Variants in COL4A6 observed in about 807,000 individuals in gnomAD.
COL4A6 encodes the protein collagen type IV alpha 6 chain, also known as collagen alpha-6(IV) chain.
COL4A6 carries 59 observed loss-of-function variants against 126.7 expected under a neutral mutation model. The observed-to-expected ratio is 0.47, with a 90% CI of 0.38 to 0.58. The LOEUF (loss-of-function observed/expected upper bound fraction) is 0.58, where lower values mean the gene tolerates loss of function less well. COL4A6 is among the 20% of genes least tolerant of loss of function. The pLI is 0.00. For missense variants in COL4A6, 1,285 were observed against 1,337.3 expected, an observed-to-expected ratio of 0.96 and a Z score of 0.61; for synonymous variants, 547 against 496.6, an observed-to-expected ratio of 1.10 and a Z score of -1.35.
intron 2 of COL4A6, among the ~76,000 whole-genome samples, chrX:108,421,497 G>C (rs946027329): frequency 2.7e-5 from 3 of 111,824 alleles, no homozygotes; most frequent in Non-Finnish European, 5.6e-5. Flanking sequence ...TTAGTGATGA[G>C]GAAGTGAACT....
At chrX:108,391,538 A>G (rs2040839224) in intron 2 of COL4A6, among the ~76,000 whole-genome samples, 1 of 111,212 alleles carries the variant, frequency 9.0e-6, no homozygotes, top group African/African-American at 3.3e-5. Flanking sequence ...CCCTCCCCCC[A>G]CCAAGCTCCC....
At chrX:108,325,684 C>T (rs2039138982) in intron 2 of COL4A6, among the ~76,000 whole-genome samples, 1 of 110,779 alleles carries the variant, frequency 9.0e-6, no homozygotes, top group Admixed American at 9.6e-5. Flanking sequence ...TTCACAAAAT[C>T]GAACCTAACA....
At chrX:108,286,393 A>T (rs1368980223) in intron 3 of COL4A6, among the ~76,000 whole-genome samples, 1 of 112,015 alleles carries the variant, frequency 8.9e-6, no homozygotes, top group Non-Finnish European at 1.9e-5. Flanking sequence ...TTGAGATGTG[A>T]TGGCTAGCTG....
At chrX:108,426,066 T>C (rs752212257) in intron 2 of COL4A6, among the ~76,000 whole-genome samples, 1 of 111,603 alleles carries the variant, frequency 9.0e-6, no homozygotes, top group East Asian at 2.8e-4. Context: ...CTTAATCATA[T>C]CTAAAAGACA....
At chrX:108,210,114 C>T in intron 7 of COL4A6, 110 bp from the exon 8 acceptor site, 1 of 723,931 alleles carries the variant, frequency 1.4e-6, no homozygotes. Context: ...AACCTTGGGC[C>T]TCCTCTGTCA....
chrX:108,212,198 C>CTCT (rs1439027574), intron 6 of COL4A6, among the ~76,000 whole-genome samples: 1 of 102,317 alleles, frequency 9.8e-6, no homozygotes, highest in Non-Finnish European at 2.0e-5. Flanking sequence ...CTGTTTTATA[C>CTCT]TCTTCTTCTT....
chrX:108,378,554 G>C, intron 2 of COL4A6, among the ~76,000 whole-genome samples: 1 of 112,387 alleles, frequency 8.9e-6, no homozygotes, highest in Non-Finnish European at 1.9e-5. Context: ...TGGGCACATA[G>C]ATTATATTCG....
At chrX:108,400,800 G>T (rs796594073) in intron 2 of COL4A6, among the ~76,000 whole-genome samples, 17 of 111,405 alleles carry the variant, frequency 1.5e-4, no homozygotes, top group African/African-American at 4.9e-4. Flanking sequence ...TTTTACTCAC[G>T]TTGTAAATAT....
intron 2 of COL4A6, among the ~76,000 whole-genome samples, chrX:108,412,214 CT>C (rs1158079929): frequency 2.7e-5 from 3 of 112,033 alleles, no homozygotes; most frequent in Admixed American, 9.5e-5. Flanking sequence ...GCTTATCTAG[CT>C]TTCCAAAAAC....
At chrX:108,203,386 C>T (rs2035445677) in intron 12 of COL4A6, among the ~76,000 whole-genome samples, 1 of 111,973 alleles carries the variant, frequency 8.9e-6, no homozygotes, top group Admixed American at 9.4e-5. Context: ...GACACATAAC[C>T]ATCTGATCTG....
rs201862310 is a variant in COL4A6 at position 108,185,391 on chromosome X, G to GAAA, written c.1951+1702_1951+1704dup. Among the ~76,000 whole-genome samples the GAAA allele has an allele frequency of 7.9e-3, 660 of 83,332 alleles. 13 individuals carry two copies. The highest frequency in any genetic ancestry group is 0.023 in the African/African-American group (517 of 22,164). The allele number at this position is 83,332 out of a possible 115,157, so 72.4% of individuals were successfully genotyped here. ...TGGGTGAGAGTAAGACTTCATTTCA[G>GAAA]AAAAAAAAAAAAAAGGAAAATGTCC... is the stretch of plus-strand genomic sequence containing the variant. On this transcript the variant is annotated intron_variant, in intron 23 of 44. Coordinates refer to ENST00000334504, the MANE Select transcript of COL4A6 (RefSeq NM_033641.4).
intron 2 of COL4A6, among the ~76,000 whole-genome samples, chrX:108,403,200 A>AAGTT (rs756122991): frequency 2.0e-5 from 2 of 100,098 alleles, no homozygotes; most frequent in East Asian, 7.0e-4. Flanking sequence ...TGGTGTCCTA[A>AAGTT]AGTTTCACCA....
intron 2 of COL4A6, among the ~76,000 whole-genome samples, chrX:108,368,347 T>G (rs1220915946): frequency 9.0e-6 from 1 of 111,375 alleles, no homozygotes; most frequent in Non-Finnish European, 1.9e-5. Flanking sequence ...GTATAAAAGA[T>G]TTAAAAAATT....
chrX:108,187,744 A>T, intron 22 of COL4A6, 104 bp downstream of exon 22: 1 of 841,901 alleles, frequency 1.2e-6, no homozygotes, highest in Non-Finnish European at 1.6e-6. Flanking sequence ...AAGGTCCTCT[A>T]GACTCTGTTC....
chrX:108,350,511 T>C (rs932719885), intron 2 of COL4A6, among the ~76,000 whole-genome samples: 6 of 111,336 alleles, frequency 5.4e-5, no homozygotes, highest in Non-Finnish European at 1.1e-4. Context: ...CTTCTAAGGC[T>C]ACAGTTTGAG....
At position 108,187,136 on chromosome X, in the gene COL4A6, C is replaced by T. The variant is rs1488341529; in HGVS notation, c.1911G>A (p.Lys637=). The change falls in exon 23 of 45, where the codon AAG becomes AAA. Residue 637 remains lysine, a synonymous_variant. Transcript: ENST00000334504. Reference sequence around the variant, plus strand: ...GGCCTTGTTGTCCCGGTAATCCATCCTTGCCTTTATCTCCAGGAAGCCCAC... The same window carrying T: ...GGCCTTGTTGTCCCGGTAATCCATCTTTGCCTTTATCTCCAGGAAGCCCAC... ...GPRGLPGDKG[K]DGLPGQQGLP... 8.4e-7 allele frequency: 1 copy of T among 1,188,479 alleles called. No individual in the cohort carries two copies. Among genetic ancestry groups the T allele is most frequent in the Non-Finnish European group, 1.1e-6 (1 of 882,072 alleles).
At chrX:108,318,842 C>T (rs749316777) in intron 2 of COL4A6, among the ~76,000 whole-genome samples, 1 of 112,677 alleles carries the variant, frequency 8.9e-6, no homozygotes, top group South Asian at 3.7e-4. Context: ...ACACAAGCAG[C>T]TCCTCTTAGT....
At chrX:108,399,603 G>A (rs2041041977) in intron 2 of COL4A6, among the ~76,000 whole-genome samples, 1 of 111,196 alleles carries the variant, frequency 9.0e-6, no homozygotes, top group African/African-American at 3.3e-5. Context: ...TTCAGGCAAT[G>A]TTCTTTTCAA....
chrX:108,274,408 T>C (rs1332466521), intron 3 of COL4A6, among the ~76,000 whole-genome samples: 1 of 111,406 alleles, frequency 9.0e-6, no homozygotes, highest in African/African-American at 3.3e-5. Flanking sequence ...TCTGCGATGA[T>C]CAGGGCAGAA....
Sources: allele counts gnomAD v4.1 joint callset (sites outside exome capture counted in the v4.1 genomes callset), GRCh38; gene constraint gnomAD v4.1.1; transcripts MANE v1.5; gene names NCBI Gene and HGNC (gene_info 2026-07-23, HGNC 2026-07-21).